The following FAM135B variants were observed in gnomAD, a reference collection of about 807,000 sequenced individuals.
FAM135B encodes the protein family with sequence similarity 135 member B.
Under a neutral mutation model 127.7 loss-of-function variants are expected in FAM135B, and 43 were observed. The ratio of observed to expected loss-of-function variants is 0.34; its 90% CI spans 0.26 to 0.43. FAM135B has a LOEUF of 0.43. Among genes scored for constraint, FAM135B ranks in the 20% least tolerant of loss-of-function variants. The probability of loss-of-function intolerance (pLI) is 1.00; values close to 1 mark genes in which losing one functional copy is unlikely to be tolerated. For missense variants in FAM135B, 1,558 were observed against 1,725.6 expected (o/e 0.90, Z 1.72); for synonymous variants, 670 against 665.1 (o/e 1.01, Z -0.11).
intron 1 of FAM135B, among the ~76,000 whole-genome samples, chr8:138,405,581 T>C (rs1277809299): frequency 6.6e-6 from 1 of 152,022 alleles, no homozygotes; most frequent in Non-Finnish European, 1.5e-5. Flanking sequence ...CCATGGTGTA[T>C]ATGTGCCACA....
intron 3 of FAM135B, among the ~76,000 whole-genome samples, chr8:138,287,438 G>A (rs1824775808): frequency 6.7e-6 from 1 of 148,548 alleles, no homozygotes; most frequent in Non-Finnish European, 1.5e-5. Flanking sequence ...AGTACATTTT[G>A]GAAGTCTTTT....
rs1459929966 is a variant in FAM135B, at chr8:138,138,981, C to A, written c.3901+5G>T. 1.3e-6 allele frequency: 2 copies of A among 1,586,972 alleles called. No individual in the cohort carries two copies. The highest frequency in any genetic ancestry group is 1.7e-6 in the Non-Finnish European group (2 of 1,155,480). Reference sequence around the variant, plus strand: ...ATAACTGCAGCTGTGGGGGAAACCACTGACCTGTTTTTTGGCTTAGTTGGT... The same window carrying A: ...ATAACTGCAGCTGTGGGGGAAACCAATGACCTGTTTTTTGGCTTAGTTGGT... On this transcript the variant is annotated splice_donor_5th_base_variant and intron_variant, in intron 18 of 19. Transcript: ENST00000395297.
chr8:138,216,345 A>T (rs1390706304), intron 7 of FAM135B, among the ~76,000 whole-genome samples: 1 of 152,132 alleles, frequency 6.6e-6, no homozygotes, highest in Non-Finnish European at 1.5e-5. Context: ...TAACATTCAC[A>T]CTCATGATAT....
intron 9 of FAM135B, among the ~76,000 whole-genome samples, chr8:138,179,951 G>A (rs1248741677): frequency 1.3e-5 from 2 of 152,136 alleles, no homozygotes; most frequent in African/African-American, 2.4e-5. Context: ...GGGATTACAC[G>A]TATGAGCCAT....
At chr8:138,137,322 G>T in intron 18 of FAM135B, 62 bp from the exon 19 acceptor site, 1 of 901,214 alleles carries the variant, frequency 1.1e-6, no homozygotes, top group Non-Finnish European at 1.9e-6. Flanking sequence ...ACACCCTCTG[G>T]AAATTTGCAC....
chr8:138,377,877 G>A (rs143817304), intron 1 of FAM135B, among the ~76,000 whole-genome samples: 270 of 152,296 alleles, frequency 1.8e-3, no homozygotes, highest in African/African-American at 6.1e-3. Flanking sequence ...TTCTAACAAC[G>A]TAATAACTCT....
intron 1 of FAM135B, among the ~76,000 whole-genome samples, chr8:138,489,770 A>AC (rs1475709866): frequency 7.9e-5 from 12 of 151,480 alleles, no homozygotes; most frequent in Admixed American, 3.9e-4. Context: ...TACTCTCTCA[A>AC]CCCCTGCTCT....
rs1554694338 is a variant in FAM135B at position 138,442,267 on chromosome 8, T to TATATATATACAC, written c.-20+54403_-20+54404insGTGTATATATAT. On this transcript the variant is annotated intron_variant, in intron 1 of 19. Transcript: ENST00000395297. ...ATATATATATATATATATATATATA[T>TATATATATACAC]ATATATATATGAAAAACCTTGGCAG... Among the ~76,000 whole-genome samples, 32 of 86,750 alleles carry TATATATATACAC rather than the reference T, an allele frequency of 3.7e-4. 1 individual carries two copies. Among genetic ancestry groups the TATATATATACAC allele is most frequent in the Non-Finnish European group, 6.4e-4 (27 of 41,964 alleles). The allele number at this position is 86,750 out of a possible 152,430, so 56.9% of individuals were successfully genotyped here. A position where few individuals can be genotyped will look rare whatever the true frequency, so the allele number is the denominator to read the frequency against.
intron 2 of FAM135B, among the ~76,000 whole-genome samples, chr8:138,364,103 C>T (rs948430811): frequency 6.6e-6 from 1 of 152,180 alleles, no homozygotes; most frequent in South Asian, 2.1e-4. Flanking sequence ...CCCTGGGGCC[C>T]CACCTTGCAC....
chr8:138,328,434 C>T (rs1320531262), intron 2 of FAM135B, among the ~76,000 whole-genome samples: 2 of 152,090 alleles, frequency 1.3e-5, no homozygotes, highest in Admixed American at 6.6e-5. Context: ...TAAATAACTC[C>T]CACATGCTTA....
chr8:138,162,188 G>A (rs989644394), intron 12 of FAM135B, among the ~76,000 whole-genome samples: 1 of 152,082 alleles, frequency 6.6e-6, no homozygotes, highest in Non-Finnish European at 1.5e-5. Flanking sequence ...GCAAAATATT[G>A]GGAAACATAT....
chr8:138,227,354 C>A (rs538809199), intron 7 of FAM135B, among the ~76,000 whole-genome samples: 2 of 152,290 alleles, frequency 1.3e-5, no homozygotes, highest in East Asian at 3.9e-4. Context: ...CAAGGGCAGC[C>A]CACGCAGTTG....
rs111649168 is a variant in FAM135B at position 138,171,229 on chromosome 8, C to T, written c.1104-3180G>A. On this transcript the variant is annotated intron_variant, in intron 11 of 19. Coordinates refer to ENST00000395297, the MANE Select transcript of FAM135B (RefSeq NM_015912.4). ...CTATGGGTTCTGTCTCTCTGGAGAACGCTGACAAAAACAGATCCTGGTAAC... is the reference window on the plus strand; with the variant it reads ...CTATGGGTTCTGTCTCTCTGGAGAATGCTGACAAAAACAGATCCTGGTAAC... 3.3e-3 allele frequency among the ~76,000 whole-genome samples: 499 copies of T among 152,268 alleles called. 1 individual carries two copies. Among genetic ancestry groups the T allele is most frequent in the African/African-American group, 0.011 (476 of 41,562 alleles).
At chr8:138,370,634 T>C (rs1440143416) in intron 1 of FAM135B, among the ~76,000 whole-genome samples, 2 of 152,114 alleles carry the variant, frequency 1.3e-5, no homozygotes, top group East Asian at 3.9e-4. Context: ...GTATTTTTAG[T>C]AGAGACGGGG....
intron 1 of FAM135B, among the ~76,000 whole-genome samples, chr8:138,387,527 T>C (rs556761339): frequency 6.6e-6 from 1 of 152,280 alleles, no homozygotes; most frequent in African/African-American, 2.4e-5. Context: ...CATCAATGAA[T>C]CCAGAACCTC....
chr8:138,449,660 T>A (rs1564012116), intron 1 of FAM135B, among the ~76,000 whole-genome samples: 1 of 152,120 alleles, frequency 6.6e-6, no homozygotes, highest in African/African-American at 2.4e-5. Context: ...TAAGACTTTA[T>A]GTTTTTCAAA....
chr8:138,223,381 T>C (rs909941275), intron 7 of FAM135B, among the ~76,000 whole-genome samples: 14 of 152,190 alleles, frequency 9.2e-5, no homozygotes, highest in African/African-American at 3.4e-4. Context: ...GTTGAAATGA[T>C]AGGAGTGAGC....
intron 1 of FAM135B, among the ~76,000 whole-genome samples, chr8:138,383,898 C>T (rs560052466): frequency 6.6e-6 from 1 of 152,300 alleles, no homozygotes; most frequent in South Asian, 2.1e-4. Flanking sequence ...CCTTTGGTGC[C>T]CATTGTCCTG....
At chr8:138,269,660 G>A (rs1823218641) in intron 3 of FAM135B, among the ~76,000 whole-genome samples, 1 of 152,180 alleles carries the variant, frequency 6.6e-6, no homozygotes, top group South Asian at 2.1e-4. Context: ...CCTGTAGTAA[G>A]GGAAATATAA....
Sources: allele counts gnomAD v4.1 joint callset (sites outside exome capture counted in the v4.1 genomes callset), GRCh38; gene constraint gnomAD v4.1.1; transcripts MANE v1.5; gene names NCBI Gene and HGNC (gene_info 2026-07-23, HGNC 2026-07-21).